The following SMOC1 variants were observed in gnomAD, a reference collection of about 807,000 sequenced individuals.
SMOC1 encodes the protein SPARC related modular calcium binding 1.
In SMOC1, 22 loss-of-function variants were observed where a neutral mutation model predicts 56.3. The ratio of observed to expected loss-of-function variants is 0.39; its 90% confidence interval spans 0.28 to 0.56. SMOC1 has a LOEUF of 0.56. Among genes scored for constraint, SMOC1 ranks in the 20% least tolerant of loss-of-function variants. SMOC1 has a pLI of 0.61. For synonymous variants in SMOC1, 193 were observed against 215.0 expected (o/e 0.90, Z 0.89); for missense variants, 509 against 565.4 (o/e 0.90, Z 1.01).
At chr14:70,011,452 C>A in intron 8 of SMOC1, 33 bp from the exon 9 acceptor site, 2 of 1,359,484 alleles carry the variant, frequency 1.5e-6, no homozygotes, top group Non-Finnish European at 2.1e-6. Flanking sequence ...TTGCCAGCCC[C>A]TCCCAACCCC....
At chr14:69,907,048 C>G (rs1224708461) in intron 1 of SMOC1, among the ~76,000 whole-genome samples, 1 of 152,134 alleles carries the variant, frequency 6.6e-6, no homozygotes, top group Non-Finnish European at 1.5e-5. Context: ...TAGGTGGAAA[C>G]AGTCATATTT....
intron 1 of SMOC1, among the ~76,000 whole-genome samples, chr14:69,903,717 T>G (rs1230405750): frequency 6.6e-6 from 1 of 151,948 alleles, no homozygotes. Flanking sequence ...TGCTCGTTAA[T>G]AGTCATCACC....
intron 10 of SMOC1, among the ~76,000 whole-genome samples, chr14:70,018,254 T>C (rs954979028): frequency 6.6e-6 from 1 of 152,074 alleles, no homozygotes; most frequent in Non-Finnish European, 1.5e-5. Flanking sequence ...TGAAGGGTGA[T>C]GAGGGCATGG....
chr14:69,930,569 C>G (rs1306536697), intron 1 of SMOC1, among the ~76,000 whole-genome samples: 2 of 152,180 alleles, frequency 1.3e-5, no homozygotes, highest in African/African-American at 4.8e-5. Context: ...TGATGGCAGC[C>G]AGGTCACTGG....
chr14:69,960,572 AT>A (rs1023795632), intron 3 of SMOC1, among the ~76,000 whole-genome samples: 3 of 151,974 alleles, frequency 2.0e-5, no homozygotes, highest in Non-Finnish European at 4.4e-5. Context: ...TTGGGCACTT[AT>A]TGCTTTTCTT....
intron 1 of SMOC1, among the ~76,000 whole-genome samples, chr14:69,951,671 AC>A (rs1882998764): frequency 6.6e-6 from 1 of 152,212 alleles, no homozygotes; most frequent in South Asian, 2.1e-4. Flanking sequence ...TTGAGGATAC[AC>A]CCAAATAGAG....
chr14:69,892,733 T>C (rs560349407), intron 1 of SMOC1, among the ~76,000 whole-genome samples: 85 of 152,318 alleles, frequency 5.6e-4, no homozygotes, highest in African/African-American at 1.9e-3. Flanking sequence ...AAATCTGATA[T>C]TGTGTCTTAT....
In SMOC1 at chr14:69,885,487, C is replaced by T. The variant is rs184447088; in HGVS notation, c.99+5710C>T. ...TGTAATTGGTCCTGATAGCTTCCAC[C>T]AGCTTAGCCAAAGCGCCTTTGTCTT... is the stretch of plus-strand genomic sequence containing the variant. On this transcript the variant is annotated intron_variant, in intron 1 of 11. Transcript: ENST00000361956. The T allele has an allele frequency of 1.3e-3, 2,025 of 1,600,302 alleles. 19 individuals are homozygous for T. The African/African-American group carries it at 0.024, about 19-fold the overall frequency.
intron 1 of SMOC1, among the ~76,000 whole-genome samples, chr14:69,928,620 G>T (rs969208591): frequency 6.6e-6 from 1 of 152,040 alleles, no homozygotes; most frequent in Non-Finnish European, 1.5e-5. Flanking sequence ...CTCATTGGGG[G>T]GGGGGTCCCT....
In SMOC1 at chr14:70,010,727, C is replaced by T. The variant is rs908907320; in HGVS notation, c.665-27C>T. 2.5e-6 allele frequency: 4 copies of T among 1,612,512 alleles called. No homozygotes were observed. The East Asian group carries it at 6.7e-5, about 27-fold the overall frequency. ...AGTGTTAAATCACAGGAGTGATAGT[C>T]ACCACAGGCTGTGTCTTCTCTTGCA... On this transcript the variant is annotated intron_variant, in intron 7 of 11. Coordinates refer to ENST00000361956, the MANE Select transcript of SMOC1 (RefSeq NM_001034852.3).
chr14:70,001,176 A>T (rs910938399), intron 7 of SMOC1, among the ~76,000 whole-genome samples: 3 of 151,868 alleles, frequency 2.0e-5, no homozygotes, highest in Non-Finnish European at 4.4e-5. Flanking sequence ...TAATTGTAAG[A>T]CTGTGGGCCG....
At chr14:69,933,875 C>A (rs1885230699) in intron 1 of SMOC1, among the ~76,000 whole-genome samples, 1 of 152,186 alleles carries the variant, frequency 6.6e-6, no homozygotes, top group South Asian at 2.1e-4. Flanking sequence ...AAACCAATAT[C>A]TAGAATCCTT....
At chr14:69,968,703 C>CAA (rs147999420) in intron 3 of SMOC1, among the ~76,000 whole-genome samples, 10,008 of 152,262 alleles carry the variant, frequency 0.066, 390 homozygotes, top group Middle Eastern at 0.15. Flanking sequence ...CTCTCACTGC[C>CAA]AAAAGAGAGT....
In SMOC1 at chr14:70,023,302, G is replaced by T; in HGVS notation, c.1146G>T (p.Arg382=). 3.7e-6 allele frequency: 6 copies of T among 1,614,116 alleles called. No homozygotes were observed. The highest frequency in any genetic ancestry group is 5.1e-6 in the Non-Finnish European group (6 of 1,180,022). ...DSNSSNDINK[R]EMKPFKRYVK... ...ATAGCAGCAACGACATTAACAAGCG[G>T]GAGATGAAGCCCTTCAAGCGCTACG... The change falls in exon 11 of 12, where the codon CGG becomes CGT. Residue 382 remains arginine (R), a synonymous_variant. Transcript: ENST00000361956.
chr14:69,992,782 A>G (rs551868689), intron 6 of SMOC1, among the ~76,000 whole-genome samples: 5 of 152,306 alleles, frequency 3.3e-5, no homozygotes, highest in African/African-American at 1.2e-4. Flanking sequence ...ACAGCTGAGA[A>G]AGATAGTCAG....
At chr14:69,916,662 C>A (rs1884694724) in intron 1 of SMOC1, among the ~76,000 whole-genome samples, 3 of 152,216 alleles carry the variant, frequency 2.0e-5, no homozygotes, top group African/African-American at 7.2e-5. Context: ...ATGTTCTCTC[C>A]CTAGAAAACT....
At chr14:69,970,110 G>A (rs1185917833) in intron 3 of SMOC1, among the ~76,000 whole-genome samples, 1 of 152,116 alleles carries the variant, frequency 6.6e-6, no homozygotes, top group Non-Finnish European at 1.5e-5. Flanking sequence ...AGGGCAGCCC[G>A]CAGCAGGTGG....
chr14:69,894,096 T>C (rs1884033774), intron 1 of SMOC1, among the ~76,000 whole-genome samples: 1 of 152,218 alleles, frequency 6.6e-6, no homozygotes, highest in South Asian at 2.1e-4. Flanking sequence ...ACTCAGTCTG[T>C]GGTATTTTGT....
At chr14:69,909,614 A>G (rs1392445221) in intron 1 of SMOC1, among the ~76,000 whole-genome samples, 1 of 152,232 alleles carries the variant, frequency 6.6e-6, no homozygotes, top group Non-Finnish European at 1.5e-5. Context: ...TCTTAAATGA[A>G]TACTCAGTTT....
Sources: gnomAD v4.1 joint callset for allele counts (sites outside exome capture counted in the v4.1 genomes callset) on GRCh38, gnomAD v4.1.1 for gene constraint, MANE v1.5 for transcripts, NCBI Gene and HGNC (gene_info 2026-07-23, HGNC 2026-07-21) for gene names.